The following CDH6 variants were observed in gnomAD, a reference collection of about 807,000 sequenced individuals.
CDH6 encodes the protein cadherin-6.
In CDH6, 31 loss-of-function variants were observed where a neutral mutation model predicts 78.0. The ratio of observed to expected loss-of-function variants is 0.40; its 90% confidence interval spans 0.30 to 0.54. CDH6 has a LOEUF of 0.54. CDH6 is among the 20% of genes least tolerant of loss of function. The pLI, the probability that CDH6 is intolerant of heterozygous loss-of-function variation, is 0.56. For synonymous variants in CDH6, 376 were observed against 368.8 expected, an observed-to-expected ratio of 1.02 and a Z score of -0.23; for missense variants, 724 against 975.9, an observed-to-expected ratio of 0.74 and a Z score of 3.44.
intron 1 of CDH6, chr5:31,250,756 A>G (rs530569102): frequency 6.5e-6 from 1 of 152,882 alleles, no homozygotes. Context: ...CAGCCCACAG[A>G]GCCTGCACAC....
At chr5:31,304,542 G>C (rs905895167) in intron 6 of CDH6, among the ~76,000 whole-genome samples, 1 of 151,994 alleles carries the variant, frequency 6.6e-6, no homozygotes, top group African/African-American at 2.4e-5. Flanking sequence ...AAAATTAGCT[G>C]GGCCTGGTGG....
At position 31,297,293 on chromosome 5, in the gene CDH6, A is replaced by G. The variant is rs1223964481; in HGVS notation, c.528A>G (p.Thr176=). The G allele has an allele frequency of 1.2e-6, 2 of 1,611,442 alleles. No homozygotes were observed. The highest frequency in any genetic ancestry group is 4.5e-5 in the East Asian group (2 of 44,850). ...TTTATATTTCTGTCATTACAGGTAC[A>G]TTTGTTGTCCAAGTCACTGCGACGG... The part of the protein sequence containing the change: ...ATVPEMSDVG[T]FVVQVTATDA... The change falls in exon 4 of 12, where the codon ACA becomes ACG. Residue 176 remains threonine (T), a synonymous_variant. Transcript: ENST00000265071.
intron 5 of CDH6, 41 bp from the exon 6 acceptor site, chr5:31,302,070 G>C: frequency 7.3e-7 from 1 of 1,368,980 alleles, no homozygotes; most frequent in Non-Finnish European, 1.0e-6. Context: ...TAAGAGTGTG[G>C]TTAGTCTATG....
chr5:31,250,260 G>A (rs1741872534), intron 1 of CDH6: 1 of 152,306 alleles, frequency 6.6e-6, no homozygotes, highest in Admixed American at 6.5e-5. Flanking sequence ...GTGTGACAAG[G>A]CAAGGCAACT....
intron 1 of CDH6, among the ~76,000 whole-genome samples, chr5:31,247,355 G>T (rs912146402): frequency 6.6e-6 from 1 of 152,190 alleles, no homozygotes; most frequent in Non-Finnish European, 1.5e-5. Flanking sequence ...TAAGTAACAT[G>T]TCCAAAGACT....
At chr5:31,213,622 T>C (rs999765304) in intron 1 of CDH6, among the ~76,000 whole-genome samples, 1 of 152,206 alleles carries the variant, frequency 6.6e-6, no homozygotes, top group Non-Finnish European at 1.5e-5. Flanking sequence ...TTAAAGCCTT[T>C]TCGGAAGTAG....
chr5:31,318,277 G>A, intron 11 of CDH6: 1 of 524,352 alleles, frequency 1.9e-6, no homozygotes, highest in Non-Finnish European at 3.4e-6. Context: ...TTAAGTGTCT[G>A]GCATGGAGTG....
chr5:31,245,563 C>T (rs1165521215), intron 1 of CDH6, among the ~76,000 whole-genome samples: 2 of 152,160 alleles, frequency 1.3e-5, no homozygotes, highest in African/African-American at 4.8e-5. Flanking sequence ...GGCTTGCTGG[C>T]TAACAGGGGA....
At chr5:31,209,953 C>G (rs1740646959) in intron 1 of CDH6, among the ~76,000 whole-genome samples, 1 of 151,986 alleles carries the variant, frequency 6.6e-6, no homozygotes, top group Non-Finnish European at 1.5e-5. Flanking sequence ...GGGTAATGTC[C>G]TTCAGCTCAT....
chr5:31,207,864 C>A (rs760830374), intron 1 of CDH6, among the ~76,000 whole-genome samples: 4 of 152,170 alleles, frequency 2.6e-5, no homozygotes, highest in Non-Finnish European at 4.4e-5. Flanking sequence ...CAAAGGGTTA[C>A]ACCCAACAGA....
At chr5:31,223,060 T>G (rs964632132) in intron 1 of CDH6, among the ~76,000 whole-genome samples, 2 of 152,070 alleles carry the variant, frequency 1.3e-5, no homozygotes, top group Non-Finnish European at 2.9e-5. Context: ...CACATTCTTT[T>G]CAGCCACCTC....
intron 7 of CDH6, among the ~76,000 whole-genome samples, chr5:31,308,049 T>C (rs1204918846): frequency 6.6e-6 from 1 of 152,126 alleles, no homozygotes; most frequent in Non-Finnish European, 1.5e-5. Flanking sequence ...TGCCCTTTTA[T>C]AGGATAAAAT....
chr5:31,260,258 G>A (rs1025549832), intron 1 of CDH6, among the ~76,000 whole-genome samples: 13 of 152,154 alleles, frequency 8.5e-5, no homozygotes, highest in African/African-American at 2.9e-4. Flanking sequence ...CATTTTACAG[G>A]TAAAGAAACT....
Position 31,316,240 on chromosome 5 carries a change from T to C in CDH6, c.1423T>C (p.Tyr475His). The change falls in exon 9 of 12, where the codon TAT (tyrosine) becomes CAT (histidine). Residue 475 changes from tyrosine to histidine, a missense_variant. Tyr to His is a moderately conservative substitution (Grantham distance 83). This residue lies in a region of CDH6 where 446 missense variants were observed against 684.5 expected (regional missense o/e 0.65). Coordinates refer to ENST00000265071, the MANE Select transcript of CDH6 (RefSeq NM_004932.4). ...AAAGCAAAGTAGTCGAGTACCTCTA[T>C]ATATTAAAGTTCTAGATGTCAATGA... ...NPKQSSRVPL[Y>H]IKVLDVNDNA... 1 of 1,613,092 alleles carries C rather than the reference T, an allele frequency of 6.2e-7. No homozygotes were observed. Among genetic ancestry groups the C allele is most frequent in the Non-Finnish European group, 8.5e-7 (1 of 1,179,466 alleles).
chr5:31,243,506 C>T (rs917772337), intron 1 of CDH6, among the ~76,000 whole-genome samples: 4 of 152,170 alleles, frequency 2.6e-5, no homozygotes, highest in African/African-American at 4.8e-5. Context: ...CCCCTCTCTC[C>T]CTAAGACTCA....
chr5:31,276,128 A>T (rs778772080), intron 2 of CDH6, among the ~76,000 whole-genome samples: 1 of 152,258 alleles, frequency 6.6e-6, no homozygotes, highest in Non-Finnish European at 1.5e-5. Flanking sequence ...TGTAACCGTC[A>T]TGAACATGCT....
intron 1 of CDH6, among the ~76,000 whole-genome samples, chr5:31,195,560 C>T (rs1300019110): frequency 2.0e-5 from 3 of 152,168 alleles, no homozygotes; most frequent in Non-Finnish European, 4.4e-5. Flanking sequence ...ACTTGCACGG[C>T]TCTATGCTTG....
chr5:31,322,264 T>A (rs996255915), intron 11 of CDH6, among the ~76,000 whole-genome samples: 5 of 152,162 alleles, frequency 3.3e-5, no homozygotes, highest in African/African-American at 1.2e-4. Flanking sequence ...TAATATTGCT[T>A]TATATGTAGG....
chr5:31,312,951 A>ACACACC (rs1443965287), intron 7 of CDH6, among the ~76,000 whole-genome samples: 14 of 151,480 alleles, frequency 9.2e-5, no homozygotes, highest in Non-Finnish European at 1.9e-4. Context: ...ACAAGCACAC[A>ACACACC]CACACACACA....
Sources: gnomAD v4.1 joint callset for allele counts (sites outside exome capture counted in the v4.1 genomes callset) on GRCh38, gnomAD v4.1.1 for gene constraint, gnomAD v4.1.1 regional missense constraint, MANE v1.5 for transcripts, NCBI Gene and HGNC (gene_info 2026-07-23, HGNC 2026-07-21) for gene names.